The following SZT2 variants were observed in gnomAD, a reference collection of about 807,000 sequenced individuals.
SZT2 encodes the protein KICSTOR complex protein SZT2.
A neutral mutation model predicts 404.2 loss-of-function variants in SZT2; 216 were observed. The observed-to-expected ratio is 0.53, with a 90% CI of 0.48 to 0.60. The LOEUF is 0.60. Among genes scored for constraint, SZT2 ranks in the 20% least tolerant of loss-of-function variants. SZT2 has a pLI of 0.00. For missense variants in SZT2, 3,857 were observed against 4,459.2 expected (o/e 0.86, Z 3.85); for synonymous variants, 1,693 against 1,749.9 (o/e 0.97, Z 0.81).
At chr1:43,433,245 C>T in intron 40 of SZT2, 55 bp downstream of exon 40, 1 of 1,563,604 alleles carries the variant, frequency 6.4e-7, no homozygotes, top group Non-Finnish European at 8.7e-7. Context: ...CTTCTCTCTG[C>T]TCCCACAGTA....
chr1:43,429,000 A>C (rs984723762), intron 28 of SZT2: 1 of 161,786 alleles, frequency 6.2e-6, no homozygotes. Flanking sequence ...GAAGAACTAG[A>C]AGGATGGATA....
chr1:43,419,670 C>G, intron 7 of SZT2, 64 bp from the exon 8 acceptor site: 1 of 1,388,508 alleles, frequency 7.2e-7, no homozygotes, highest in Non-Finnish European at 9.8e-7. Context: ...GTCTCTTTCT[C>G]TCCTGTTCTT....
At chr1:43,421,692 T>C (rs1158910530) in intron 11 of SZT2, among the ~76,000 whole-genome samples, 1 of 152,242 alleles carries the variant, frequency 6.6e-6, no homozygotes, top group Admixed American at 6.5e-5. Flanking sequence ...TACAGCTTCC[T>C]TGGTCCTGTG....
At chr1:43,412,609 G>A (rs944265270) in intron 4 of SZT2, 2 of 152,144 alleles carry the variant, frequency 1.3e-5, no homozygotes, top group South Asian at 4.1e-4. Flanking sequence ...ATAATACCCT[G>A]CAAGCACAAG....
chr1:43,420,843 G>C lies in SZT2; in HGVS notation c.1356G>C (p.Glu452Asp). Residue 452 changes from glutamate to aspartate, a missense_variant, in exon 10 of 72, where the codon GAG (glutamate) becomes GAC (aspartate). Glu to Asp is a conservative substitution (Grantham distance 45, BLOSUM62 2). Around this residue, in one of 7 missense-constraint regions of SZT2, gnomAD observed 536 missense variants for 637.4 expected, o/e 0.84. Coordinates refer to ENST00000634258, the MANE Select transcript of SZT2 (RefSeq NM_001365999.1). The surrounding 1 kb of genome is among the most constrained non-coding windows in gnomAD (Gnocchi z 5.1). ...VAMAPWPLEPEGPRVTRVEVT... is the reference protein window; with the variant it reads ...VAMAPWPLEPDGPRVTRVEVT... ...TGGCACCCTGGCCCCTGGAGCCTGAGGGCCCTCGAGTAACACGGGTGGAAG... is the reference window on the plus strand; with the variant it reads ...TGGCACCCTGGCCCCTGGAGCCTGACGGCCCTCGAGTAACACGGGTGGAAG... 2 of 1,598,468 alleles carry C rather than the reference G, an allele frequency of 1.3e-6. No homozygotes were observed. Among genetic ancestry groups the C allele is most frequent in the Non-Finnish European group, 8.5e-7 (1 of 1,179,810 alleles).
chr1:43,442,061 C>T lies in SZT2; in HGVS notation c.7804C>T (p.Pro2602Ser), dbSNP rs1298158465. The T allele has an allele frequency of 6.2e-7, 1 of 1,614,042 alleles. No individual in the cohort carries two copies. The highest frequency in any genetic ancestry group is 8.5e-7 in the Non-Finnish European group (1 of 1,180,042). The change falls in exon 56 of 72, where the codon CCT becomes TCT. Residue 2602 changes from proline (P) to serine (S), a missense_variant. By Grantham distance (74) the Pro-to-Ser change is moderately conservative (BLOSUM62 -1). Transcript: ENST00000634258. The surrounding 1 kb of genome is among the most constrained non-coding windows in gnomAD (Gnocchi z 4.5). ...SPGQLGPSPR[P>S]AAERHLLLLG... ...TGGGCAACTGGGCCCCTCTCCCCGC[C>T]CTGCAGCTGAGCGGCATCTGCTGCT...
In SZT2 at chr1:43,431,905, A is replaced by G. The variant is rs1653936361; in HGVS notation, c.5274+4A>G. 2 of 1,613,886 alleles carry G rather than the reference A, an allele frequency of 1.2e-6. No homozygotes were observed. Among genetic ancestry groups the G allele is most frequent in the African/African-American group, 1.3e-5 (1 of 74,906 alleles). On this transcript the variant is annotated splice_donor_region_variant and intron_variant, in intron 36 of 71. Transcript: ENST00000634258. Reference sequence around the variant, plus strand: ...TTCCCTCACACAATTCAAGGAGGTAAGTTGCCCTCCAAACACTGCAGGGTC... The same window carrying G: ...TTCCCTCACACAATTCAAGGAGGTAGGTTGCCCTCCAAACACTGCAGGGTC...
Position 43,443,587 on chromosome 1 carries a change from ACT to A in SZT2, c.8626-6_8626-5del. ...GTGGGGAGAGTCTTCCTTGATCTTT[ACT>A]CTCATAGCGGCGCCATCGCCCTGAG... On this transcript the variant is annotated splice_region_variant and splice_polypyrimidine_tract_variant and intron_variant, in intron 61 of 71. Transcript: ENST00000634258. 1 of 1,613,376 alleles carries A rather than the reference ACT, an allele frequency of 6.2e-7. No individual in the cohort carries two copies.
Position 43,425,938 on chromosome 1 carries a change from G to A in SZT2, c.2918G>A (p.Arg973Lys), listed in dbSNP as rs1228498880. Reference sequence around the variant, plus strand: ...TGGGGTCCTCTGCCCCCAGAGCCGAGGGTCTCTGATGGTGAGTGGGGCAGG... The same window carrying A: ...TGGGGTCCTCTGCCCCCAGAGCCGAAGGTCTCTGATGGTGAGTGGGGCAGG... ...KEWGPLPPEP[R>K]VSDGLDQGGD... is the part of the protein sequence containing the mutation. Residue 973 changes from arginine to lysine, a missense_variant, in exon 20 of 72, where the codon AGG becomes AAG. By Grantham distance (26) the Arg-to-Lys change is conservative. Around this residue, in one of 7 missense-constraint regions of SZT2, gnomAD observed 1,725 missense variants for 1,881.0 expected, o/e 0.92. Transcript: ENST00000634258. This position sits in a 1 kb window ranked among gnomAD's most constrained non-coding sequence, Gnocchi z 4.3. The A allele has an allele frequency of 1.2e-6, 2 of 1,614,004 alleles. No homozygotes were observed. The highest frequency in any genetic ancestry group is 1.7e-6 in the Non-Finnish European group (2 of 1,179,986).
At position 43,442,581 on chromosome 1, in the gene SZT2, A is replaced by C; in HGVS notation, c.8114A>C (p.His2705Pro). Residue 2705 changes from histidine (H) to proline (P), a missense_variant, in exon 58 of 72, where the codon CAT becomes CCT. By Grantham distance (77) the His-to-Pro change is moderately conservative (BLOSUM62 -2). Around this residue, in one of 7 missense-constraint regions of SZT2, gnomAD observed 573 missense variants for 592.4 expected, o/e 0.97. Transcript: ENST00000634258. This position sits in a 1 kb window ranked among gnomAD's most constrained non-coding sequence, Gnocchi z 4.5. ...LLSQKLGLFH[H>P]YGQLDFPVRD... ...AGCCAGAAGCTTGGCCTCTTCCATCATTATGGCCAGTTGGACTTCCCCGTG... is the reference window on the plus strand; with the variant it reads ...AGCCAGAAGCTTGGCCTCTTCCATCCTTATGGCCAGTTGGACTTCCCCGTG... 1.2e-6 allele frequency: 2 copies of C among 1,612,188 alleles called. No individual in the cohort carries two copies. Among genetic ancestry groups the C allele is most frequent in the Non-Finnish European group, 1.7e-6 (2 of 1,178,738 alleles).
At chr1:43,403,442 T>A in intron 2 of SZT2, 140 bp downstream of exon 2, 1 of 1,415,466 alleles carries the variant, frequency 7.1e-7, no homozygotes. Context: ...ATGATGGAAA[T>A]TTTAAAAAAT....
rs1649941797 is a variant in SZT2, at chr1:43,403,581, C to T, written c.154-20C>T. ...GATACTTCGCTGATCCTTTCCTTTT[C>T]TTTCCATCCTAATTTTCAGCTTCAG... is the stretch of plus-strand genomic sequence containing the variant. On this transcript the variant is annotated intron_variant, in intron 2 of 71. Transcript: ENST00000634258. 5 of 1,604,100 alleles carry T rather than the reference C, an allele frequency of 3.1e-6. No individual in the cohort carries two copies. Among genetic ancestry groups the T allele is most frequent in the Non-Finnish European group, 4.3e-6 (5 of 1,171,642 alleles).
Position 43,435,271 on chromosome 1 carries a change from T to C in SZT2, c.5976T>C (p.Asp1992=), listed in dbSNP as rs746260739. 5 of 1,614,064 alleles carry C rather than the reference T, an allele frequency of 3.1e-6. No individual in the cohort carries two copies. The highest frequency in any genetic ancestry group is 1.3e-5 in the African/African-American group (1 of 74,918). ...TTCTGGTGGCCGAGAGTGAAGAAGA[T>C]CTGTGGCGCAGTGAGACTCCCTTCC... ...NSLLVAESEE[D]LWRSETPFHS... The change falls in exon 42 of 72, where the codon GAT becomes GAC. Residue 1992 remains aspartate, a synonymous_variant. Transcript: ENST00000634258.
rs1366707397 is a variant in SZT2 at position 43,427,464 on chromosome 1, G to C, written c.3598+19G>C. 6.2e-7 allele frequency: 1 copy of C among 1,611,810 alleles called. No homozygotes were observed. Among genetic ancestry groups the C allele is most frequent in the Non-Finnish European group, 8.5e-7 (1 of 1,177,994 alleles). On this transcript the variant is annotated intron_variant, in intron 25 of 71. Transcript: ENST00000634258. The stretch of plus-strand genomic sequence containing the variant: ...GCTAGTGGTAAGGCTGCCGACTCAA[G>C]GTGGGCAGGAGTGGGAGTGGGAAAC...
In SZT2 at chr1:43,451,374, C is replaced by T. The variant is rs769154500; in HGVS notation, c.*894C>T. ...AGGAGAAAACAGCCCCTGTCCGGGT[C>T]CCTCCAGAGCTCCCTTCCCCAGGGC... On this transcript the variant is annotated 3_prime_UTR_variant, in exon 72 of 72. Coordinates refer to ENST00000634258, the MANE Select transcript of SZT2 (RefSeq NM_001365999.1). The T allele has an allele frequency of 1.2e-5, 19 of 1,611,796 alleles. No homozygotes were observed. The highest frequency in any genetic ancestry group is 1.4e-5 in the Non-Finnish European group (16 of 1,180,024).
chr1:43,424,714 G>A lies in SZT2; in HGVS notation c.2472-70G>A. On this transcript the variant is annotated intron_variant, in intron 16 of 71. Coordinates refer to ENST00000634258, the MANE Select transcript of SZT2 (RefSeq NM_001365999.1). This position sits in a 1 kb window ranked among gnomAD's most constrained non-coding sequence, Gnocchi z 4.1. Reference sequence around the variant, plus strand: ...ACTGCTGGGAGGTGGGTGTATGTGGGGAGAGCTTGTAGTCTCAGTGTCTCT... The same window carrying A: ...ACTGCTGGGAGGTGGGTGTATGTGGAGAGAGCTTGTAGTCTCAGTGTCTCT... 7.3e-7 allele frequency: 1 copy of A among 1,360,870 alleles called. No homozygotes were observed. Among genetic ancestry groups the A allele is most frequent in the Non-Finnish European group, 1.0e-6 (1 of 957,288 alleles). 84.3% of individuals were successfully genotyped at this position (1,360,870 alleles called of 1,614,324 possible). A position where few individuals can be genotyped will look rare whatever the true frequency, so the allele number is the denominator to read the frequency against.
chr1:43,452,996 T>C lies in SZT2; in HGVS notation c.*2516T>C, dbSNP rs769621244. Reference sequence around the variant, plus strand: ...ACTCAACTTCCTGCCCATCAAGCAATGCCCACTCCTTGAAGACAGTCCAAG... The same window carrying C: ...ACTCAACTTCCTGCCCATCAAGCAACGCCCACTCCTTGAAGACAGTCCAAG... On this transcript the variant is annotated 3_prime_UTR_variant, in exon 72 of 72. Transcript: ENST00000634258. 1 of 1,571,834 alleles carries C rather than the reference T, an allele frequency of 6.4e-7. No individual in the cohort carries two copies. Among genetic ancestry groups the C allele is most frequent in the Non-Finnish European group, 8.7e-7 (1 of 1,145,210 alleles).
rs1340281225 is a variant in SZT2 at position 43,443,550 on chromosome 1, G to C, written c.8626-47G>C. The C allele has an allele frequency of 2.5e-6, 4 of 1,613,470 alleles. No homozygotes were observed. The Admixed American group carries it at 5.0e-5, about 20-fold the overall frequency. ...TGACCCCCCTCCTCCATCCCCAGCA[G>C]GATGGTTGACAGTGGGGAGAGTCTT... On this transcript the variant is annotated intron_variant, in intron 61 of 71. Transcript: ENST00000634258.
rs1394793334 is a variant in SZT2 at position 43,430,355 on chromosome 1, G to A, written c.4446G>A (p.Leu1482=). The A allele has an allele frequency of 1.2e-6, 2 of 1,610,214 alleles. No individual in the cohort carries two copies. The highest frequency in any genetic ancestry group is 1.7e-5 in the Admixed American group (1 of 58,710). ...RDTVDRKISD[L]EFSEAELMGE... is the part of the protein sequence containing the mutation. ...CAGTAGACAGAAAAATCAGTGACCT[G>A]GAGTTTTCAGAGGCTGAGCTTATGG... The change falls in exon 31 of 72, where the codon CTG becomes CTA. Residue 1482 remains leucine (L), a synonymous_variant. Transcript: ENST00000634258.
Sources: allele counts gnomAD v4.1 joint callset (sites outside exome capture counted in the v4.1 genomes callset), GRCh38; gene constraint gnomAD v4.1.1; regional missense constraint gnomAD v4.1.1; non-coding constraint Gnocchi (gnomAD v3.1); transcripts MANE v1.5; gene names NCBI Gene and HGNC (gene_info 2026-07-23, HGNC 2026-07-21).